The following MRPS6 variants were observed in gnomAD, a reference collection of about 807,000 sequenced individuals.
MRPS6 encodes mitochondrial ribosomal protein S6.
MRPS6 carries 6 observed loss-of-function variants against 13.1 expected under a neutral mutation model. The ratio of observed to expected loss-of-function variants is 0.46; its 90% confidence interval spans 0.25 to 0.91. The LOEUF is 0.91. MRPS6 is among the 40% of genes least tolerant of loss of function. MRPS6 has a pLI of 0.18. For synonymous variants in MRPS6, 61 were observed against 56.5 expected (o/e 1.08, Z -0.36); for missense variants, 164 against 155.6 (o/e 1.05, Z -0.29).
At chr21:34,135,130 T>C (rs952915344) in intron 2 of MRPS6, among the ~76,000 whole-genome samples, 12 of 152,230 alleles carry the variant, frequency 7.9e-5, no homozygotes, top group Non-Finnish European at 1.8e-4. Context: ...TTTTCATTGC[T>C]GAGTAGTATG....
chr21:34,091,968 G>A (rs1003050223), intron 1 of MRPS6, among the ~76,000 whole-genome samples: 6 of 152,042 alleles, frequency 3.9e-5, no homozygotes, highest in African/African-American at 1.4e-4. Context: ...ATGATGAACT[G>A]TGACAAAAAG....
intron 1 of MRPS6, among the ~76,000 whole-genome samples, chr21:34,112,209 C>A (rs375192100): frequency 4.6e-5 from 7 of 152,210 alleles, no homozygotes; most frequent in African/African-American, 1.4e-4. Context: ...TCCATTTATT[C>A]TTTGACTAGT....
chr21:34,080,564 TAAAC>T (rs1989435934), intron 1 of MRPS6, among the ~76,000 whole-genome samples: 1 of 152,212 alleles, frequency 6.6e-6, no homozygotes. Context: ...TTTGGTACAT[TAAAC>T]AAATATCAAG....
At chr21:34,074,300 A>G (rs1556001480) in intron 1 of MRPS6, among the ~76,000 whole-genome samples, 1 of 152,090 alleles carries the variant, frequency 6.6e-6, no homozygotes, top group Non-Finnish European at 1.5e-5. Flanking sequence ...CGTTGTCTGT[A>G]TTCCAGTCTC....
intron 1 of MRPS6, chr21:34,095,121 C>G: frequency 2.6e-6 from 4 of 1,531,398 alleles, no homozygotes; most frequent in Non-Finnish European, 3.5e-6. Flanking sequence ...GGTTTACAGA[C>G]TTGGCTGGGG....
At chr21:34,105,461 G>A in intron 1 of MRPS6, 1 of 999,510 alleles carries the variant, frequency 1.0e-6, no homozygotes, top group South Asian at 4.7e-5. Flanking sequence ...GCAGAGTGCT[G>A]CTGCTTTTAT....
chr21:34,114,314 T>G (rs1979818780), intron 1 of MRPS6, among the ~76,000 whole-genome samples: 3 of 152,162 alleles, frequency 2.0e-5, no homozygotes, highest in African/African-American at 4.8e-5. Context: ...ACTCCAATAT[T>G]ATTGGTGAGA....
At position 34,125,171 on chromosome 21, in the gene MRPS6, T is replaced by C. The variant is rs1270451011; in HGVS notation, c.46-170T>C. The C allele has an allele frequency of 3.0e-6, 3 of 1,011,834 alleles. No individual in the cohort carries two copies. In the African/African-American group the frequency reaches 4.9e-5, roughly 17 times the overall value. 62.7% of individuals were successfully genotyped at this position (1,011,834 alleles called of 1,614,324 possible). ...GCTATCTCATATCCTTACAATAAAT[T>C]CTCTCTCTCTTTTATTTTAAGTTAA... is the stretch of plus-strand genomic sequence containing the variant. On this transcript the variant is annotated intron_variant, in intron 1 of 2. Coordinates refer to ENST00000399312, the MANE Select transcript of MRPS6 (RefSeq NM_032476.4).
chr21:34,086,923 T>G (rs553896908), intron 1 of MRPS6, among the ~76,000 whole-genome samples: 1 of 152,294 alleles, frequency 6.6e-6, no homozygotes, highest in East Asian at 1.9e-4. Context: ...GACCTGCTCT[T>G]TCAGCTGTGT....
intron 1 of MRPS6, among the ~76,000 whole-genome samples, chr21:34,116,462 G>A (rs772118905): frequency 1.6e-4 from 25 of 151,860 alleles, no homozygotes; most frequent in African/African-American, 5.3e-4. Flanking sequence ...AGTGGAAATC[G>A]TTTATTGAAC....
At chr21:34,074,224 C>G (rs1169302579) in intron 1 of MRPS6, among the ~76,000 whole-genome samples, 2 of 150,972 alleles carry the variant, frequency 1.3e-5, no homozygotes, top group Admixed American at 1.3e-4. Flanking sequence ...CGCCTCCGCT[C>G]TAGCGCCCGC....
At chr21:34,122,491 A>G (rs1980155162) in intron 1 of MRPS6, 1 of 152,070 alleles carries the variant, frequency 6.6e-6, no homozygotes, top group Non-Finnish European at 1.5e-5. Flanking sequence ...TTCCTAAGTT[A>G]CATTCTTGTT....
chr21:34,082,729 CT>C (rs1423468196), intron 1 of MRPS6, among the ~76,000 whole-genome samples: 3 of 151,964 alleles, frequency 2.0e-5, no homozygotes, highest in Non-Finnish European at 4.4e-5. Context: ...GACTAACCTT[CT>C]TTTTTTGTCT....
At chr21:34,139,514 T>G (rs1428224395) in intron 2 of MRPS6, among the ~76,000 whole-genome samples, 2 of 152,198 alleles carry the variant, frequency 1.3e-5, no homozygotes, top group Non-Finnish European at 2.9e-5. Context: ...TTATCTGTAC[T>G]TCTTGAGTGA....
At chr21:34,102,452 T>A (rs1387844968) in intron 1 of MRPS6, 4 of 1,000,024 alleles carry the variant, frequency 4.0e-6, no homozygotes, top group Non-Finnish European at 4.8e-6. Context: ...ACCTAATTTA[T>A]CCAGTAACCA....
intron 1 of MRPS6, chr21:34,106,237 A>G (rs532036785): frequency 2.2e-6 from 2 of 912,482 alleles, no homozygotes; most frequent in East Asian, 2.4e-4. Flanking sequence ...TTCTGTACCA[A>G]CTTTGAATAA....
intron 1 of MRPS6, chr21:34,095,293 A>G (rs1453605770): frequency 1.2e-6 from 2 of 1,614,156 alleles, no homozygotes; most frequent in Admixed American, 1.7e-5. Context: ...TGGAAATCTA[A>G]TAGAAGCACC....
At chr21:34,104,024 GC>G (rs1365701070) in intron 1 of MRPS6, 4 of 999,654 alleles carry the variant, frequency 4.0e-6, no homozygotes, top group African/African-American at 1.8e-5. Flanking sequence ...TCTTAACAGT[GC>G]CCCCCCAAAC....
At chr21:34,097,707 C>A in intron 1 of MRPS6, 1 of 1,014,776 alleles carries the variant, frequency 9.9e-7, no homozygotes, top group Non-Finnish European at 1.2e-6. Flanking sequence ...TCTTGGCAGA[C>A]CTTACCCTGA....
Sources: allele counts gnomAD v4.1 joint callset (sites outside exome capture counted in the v4.1 genomes callset), GRCh38; gene constraint gnomAD v4.1.1; transcripts MANE v1.5; gene names NCBI Gene and HGNC (gene_info 2026-07-23, HGNC 2026-07-21).